The following RASA3 variants were observed in gnomAD, a reference collection of about 807,000 sequenced individuals.
RASA3 encodes ras GTPase-activating protein 3.
In RASA3, 73 loss-of-function variants were observed where a neutral mutation model predicts 110.0. The observed-to-expected ratio is 0.66, with a 90% CI of 0.55 to 0.81. RASA3 has a LOEUF of 0.81. Among genes scored for constraint, RASA3 ranks in the 30% least tolerant of loss-of-function variants. RASA3 has a pLI of 0.00. For missense variants in RASA3, 976 were observed against 1,113.2 expected, an observed-to-expected ratio of 0.88 and a Z score of 1.75; for synonymous variants, 500 against 451.4, an observed-to-expected ratio of 1.11 and a Z score of -1.37.
At chr13:114,100,498 G>A (rs2080043137) in intron 1 of RASA3, among the ~76,000 whole-genome samples, 1 of 152,254 alleles carries the variant, frequency 6.6e-6, no homozygotes, top group Non-Finnish European at 1.5e-5. Context: ...AGCAGCCAGG[G>A]ACCCCCGTCT....
intron 2 of RASA3, among the ~76,000 whole-genome samples, chr13:114,069,741 C>G (rs2079530389): frequency 1.2e-4 from 1 of 8,108 alleles, no homozygotes; most frequent in Non-Finnish European, 2.0e-4. Context: ...GGCTCGGGGG[C>G]TGGGAGACTT....
chr13:113,997,252 G>A (rs916708739), intron 20 of RASA3, among the ~76,000 whole-genome samples: 4 of 152,206 alleles, frequency 2.6e-5, no homozygotes, highest in Non-Finnish European at 2.9e-5. Flanking sequence ...CTCTTGAAGC[G>A]TCTCGGGGCA....
At chr13:114,125,662 C>T (rs533155010) in intron 1 of RASA3, among the ~76,000 whole-genome samples, 23 of 152,316 alleles carry the variant, frequency 1.5e-4, no homozygotes, top group Non-Finnish European at 1.9e-4. Flanking sequence ...TATTTGCTCA[C>T]TCAGCCACTG....
At chr13:114,099,473 G>A (rs1312756513) in intron 1 of RASA3, among the ~76,000 whole-genome samples, 1 of 151,824 alleles carries the variant, frequency 6.6e-6, no homozygotes, top group Non-Finnish European at 1.5e-5. Context: ...GGGTGTCCGG[G>A]AATGACTCAG....
At chr13:114,029,672 G>A (rs1463953831) in intron 5 of RASA3, 139 bp downstream of exon 5, 2 of 786,686 alleles carry the variant, frequency 2.5e-6, no homozygotes, top group Admixed American at 4.1e-5. Context: ...TGGTGGGCCA[G>A]GACCTCTAAA....
rs188639704 is a variant in RASA3, at chr13:114,114,465, C to T, written c.55+17970G>A. ...AACTAATCAGCAAATGCTCCTTGCA[C>T]ATTTCCTAGCTCTGTCAGCCAAAGT... On this transcript the variant is annotated intron_variant, in intron 1 of 23. Coordinates refer to ENST00000334062, the MANE Select transcript of RASA3 (RefSeq NM_007368.4). The surrounding 1 kb of genome is among the most constrained non-coding windows in gnomAD (Gnocchi z 4.8). 5.3e-5 allele frequency among the ~76,000 whole-genome samples: 8 copies of T among 152,318 alleles called. No individual in the cohort carries two copies. Among genetic ancestry groups the T allele is most frequent in the African/African-American group, 1.9e-4 (8 of 41,560 alleles).
rs752974141 is a variant in RASA3, at chr13:113,979,453, C to T, written c.2430-31G>A. The T allele has an allele frequency of 3.9e-6, 6 of 1,532,978 alleles. No individual in the cohort carries two copies. In the South Asian group the frequency reaches 6.7e-5, roughly 17 times the overall value. 95.0% of individuals were successfully genotyped at this position (1,532,978 alleles called of 1,614,324 possible). On this transcript the variant is annotated intron_variant, in intron 23 of 23. Transcript: ENST00000334062. Reference sequence around the variant, plus strand: ...AAGGGGGATGGGAGAGGGAATGAGGCACAGACCCCGTTGCCTGGTGCTCAC... The same window carrying T: ...AAGGGGGATGGGAGAGGGAATGAGGTACAGACCCCGTTGCCTGGTGCTCAC...
chr13:113,984,771 C>T (rs2139058823), intron 22 of RASA3, among the ~76,000 whole-genome samples: 1 of 46,576 alleles, frequency 2.1e-5, no homozygotes, highest in South Asian at 1.4e-3. Context: ...ACCCATCCAT[C>T]CATCCACCCA....
Position 114,000,918 on chromosome 13 carries a change from C to T in RASA3, c.1757G>A (p.Arg586Lys), listed in dbSNP as rs1304118197. 1 of 1,613,002 alleles carries T rather than the reference C, an allele frequency of 6.2e-7. No homozygotes were observed. Among genetic ancestry groups the T allele is most frequent in the Non-Finnish European group, 8.5e-7 (1 of 1,179,116 alleles). ...IVLKEGFMIKRAQGRKRFGMK... is the reference protein window; with the variant it reads ...IVLKEGFMIKKAQGRKRFGMK... ...CCCAAAGCGCTTCCGTCCTTGGGCC[C>T]TCTTGATCATGAACCTGTGTGAAGA... The change falls in exon 19 of 24, where the codon AGG (arginine) becomes AAG (lysine). Residue 586 changes from arginine (R) to lysine (K), a missense_variant. Coordinates refer to ENST00000334062, the MANE Select transcript of RASA3 (RefSeq NM_007368.4).
At chr13:114,021,579 G>A in intron 8 of RASA3, 71 bp from the exon 9 acceptor site, 6 of 1,256,702 alleles carry the variant, frequency 4.8e-6, no homozygotes, top group South Asian at 3.7e-5. Context: ...GACAGGCCAC[G>A]CTTTGTTCCC....
intron 1 of RASA3, among the ~76,000 whole-genome samples, chr13:114,101,663 A>T (rs2080061929): frequency 6.6e-6 from 1 of 152,172 alleles, no homozygotes; most frequent in African/African-American, 2.4e-5. Context: ...AGTGAAATAC[A>T]CGAAACCCGA....
In RASA3 at chr13:114,007,564, T is replaced by C. The variant is rs770987351; in HGVS notation, c.1711A>G (p.Ser571Gly). ...TTAAGCACGATGGGCTGCTCAACACTCTTGGGGTCTCTTCTCCCCGAGGAC... is the reference window on the plus strand; with the variant it reads ...TTAAGCACGATGGGCTGCTCAACACCCTTGGGGTCTCTTCTCCCCGAGGAC... ...ISSSGRRDPK[S>G]VEQPIVLKEG... The change falls in exon 18 of 24, where the codon AGT becomes GGT. Residue 571 changes from serine to glycine, a missense_variant. Around this residue, in one of 4 missense-constraint regions of RASA3, gnomAD observed 732 missense variants for 779.7 expected, o/e 0.94. Coordinates refer to ENST00000334062, the MANE Select transcript of RASA3 (RefSeq NM_007368.4). The C allele has an allele frequency of 8.7e-6, 14 of 1,613,406 alleles. No homozygotes were observed. The highest frequency in any genetic ancestry group is 1.1e-5 in the Non-Finnish European group (13 of 1,179,832).
rs1178765569 is a variant in RASA3 at position 114,014,891 on chromosome 13, A to C, written c.1405+318T>G. ...CCTGGCCACCCTTCCCGGCCCCCCCAGAGACCACTGTGGTCGTGAACTCCA... is the reference window on the plus strand; with the variant it reads ...CCTGGCCACCCTTCCCGGCCCCCCCCGAGACCACTGTGGTCGTGAACTCCA... On this transcript the variant is annotated intron_variant, in intron 14 of 23. Coordinates refer to ENST00000334062, the MANE Select transcript of RASA3 (RefSeq NM_007368.4). This position sits in a 1 kb window ranked among gnomAD's most constrained non-coding sequence, Gnocchi z 4.5. Among the ~76,000 whole-genome samples the C allele has an allele frequency of 1.3e-5, 2 of 151,742 alleles. No homozygotes were observed. The highest frequency in any genetic ancestry group is 2.9e-5 in the Non-Finnish European group (2 of 67,946).
At position 114,096,716 on chromosome 13, in the gene RASA3, C is replaced by T. The variant is rs890882303; in HGVS notation, c.56-22879G>A. Among the ~76,000 whole-genome samples the T allele has an allele frequency of 1.3e-5, 2 of 152,090 alleles. No individual in the cohort carries two copies. The highest frequency in any genetic ancestry group is 2.9e-5 in the Non-Finnish European group (2 of 68,030). On this transcript the variant is annotated intron_variant, in intron 1 of 23. Coordinates refer to ENST00000334062, the MANE Select transcript of RASA3 (RefSeq NM_007368.4). This position sits in a 1 kb window ranked among gnomAD's most constrained non-coding sequence, Gnocchi z 5.1. Reference sequence around the variant, plus strand: ...GGGTCTCCACCACAGTTATGACCACCCTTCCCTCCTCGTCCCCCAAAGCAC... The same window carrying T: ...GGGTCTCCACCACAGTTATGACCACTCTTCCCTCCTCGTCCCCCAAAGCAC...
At chr13:114,069,556 G>A (rs1210361513) in intron 2 of RASA3, among the ~76,000 whole-genome samples, 14 of 33,268 alleles carry the variant, frequency 4.2e-4, no homozygotes, top group Non-Finnish European at 4.7e-4. Flanking sequence ...CGGGAGACTC[G>A]GGGGTTGGGA....
At chr13:114,023,818 G>C (rs980268601) in intron 8 of RASA3, among the ~76,000 whole-genome samples, 1 of 152,250 alleles carries the variant, frequency 6.6e-6, no homozygotes, top group Non-Finnish European at 1.5e-5. Flanking sequence ...CGCCAGGTGA[G>C]AGTGTTTCAC....
intron 2 of RASA3, among the ~76,000 whole-genome samples, chr13:114,063,496 A>C (rs1249134210): frequency 6.6e-6 from 1 of 152,160 alleles, no homozygotes; most frequent in East Asian, 1.9e-4. Flanking sequence ...AATACGGATA[A>C]ATTTTTTAAA....
chr13:114,041,828 C>T (rs571618301), intron 3 of RASA3, among the ~76,000 whole-genome samples: 2 of 152,296 alleles, frequency 1.3e-5, no homozygotes, highest in South Asian at 4.1e-4. Context: ...AATGAATGAG[C>T]CGCCTTCTGG....
chr13:114,082,303 T>G (rs9590425), intron 1 of RASA3, among the ~76,000 whole-genome samples: 1,631 of 152,362 alleles, frequency 0.011, 20 homozygotes, highest in African/African-American at 0.038. Flanking sequence ...CTGGTTTGCC[T>G]CACGCAGTAC....
Sources: gnomAD v4.1 joint callset for allele counts (sites outside exome capture counted in the v4.1 genomes callset) on GRCh38, gnomAD v4.1.1 for gene constraint, gnomAD v4.1.1 regional missense constraint, Gnocchi (gnomAD v3.1) non-coding constraint, MANE v1.5 for transcripts, NCBI Gene and HGNC (gene_info 2026-07-23, HGNC 2026-07-21) for gene names.